Variants in DSC2 observed in about 807,000 individuals in gnomAD.
The protein encoded by DSC2 is desmocollin 2.
In DSC2, 51 loss-of-function variants were observed where a neutral mutation model predicts 87.6. The ratio of observed to expected loss-of-function variants is 0.58; its 90% CI spans 0.46 to 0.74. The LOEUF is 0.74. Ranked by LOEUF, DSC2 falls within the 30% of genes least tolerant of loss-of-function variation. The pLI, the probability that DSC2 is intolerant of heterozygous loss-of-function variation, is 0.00. For missense variants in DSC2, 1,066 were observed against 1,089.5 expected (o/e 0.98, Z 0.30); for synonymous variants, 383 against 393.2 (o/e 0.97, Z 0.31).
intron 1 of DSC2, chr18:31,101,186 CG>C (rs1987934950): frequency 1.0e-6 from 1 of 985,160 alleles, no homozygotes; most frequent in East Asian, 1.1e-4. Flanking sequence ...AAGCCTCGCA[CG>C]TTAAGAAACC....
At chr18:31,080,990 A>G (rs776179013) in intron 9 of DSC2, among the ~76,000 whole-genome samples, 2 of 152,222 alleles carry the variant, frequency 1.3e-5, no homozygotes, top group Non-Finnish European at 2.9e-5. Context: ...GATAAGTAGT[A>G]TAACAGGTAT....
At chr18:31,088,880 T>C (rs1265682380) in intron 5 of DSC2, among the ~76,000 whole-genome samples, 2 of 152,040 alleles carry the variant, frequency 1.3e-5, no homozygotes, top group African/African-American at 4.8e-5. Flanking sequence ...GTAACTGTTC[T>C]TGGCCGGGCA....
rs978907622 is a variant in DSC2, at chr18:31,068,228, A to G, written c.2509-16T>C. 12 of 1,613,786 alleles carry G rather than the reference A, an allele frequency of 7.4e-6. No individual in the cohort carries two copies. In the Admixed American group the frequency reaches 1.3e-4, roughly 18 times the overall value. ...GATACACTTTCTGCCAAGGGGAAAA[A>G]CACAACGTTTTTATTATTATTATTT... On this transcript the variant is annotated splice_polypyrimidine_tract_variant and intron_variant, in intron 15 of 15. Transcript: ENST00000280904.
chr18:31,067,977 A>C lies in DSC2; in HGVS notation c.*38T>G, dbSNP rs1191844546. On this transcript the variant is annotated 3_prime_UTR_variant, in exon 16 of 16. Transcript: ENST00000280904. The stretch of plus-strand genomic sequence containing the variant: ...TGGTTTGTAATTTTTTTTAAAAGTC[A>C]TAAAGCCACTGGCTTTCAGAGACTT... The C allele has an allele frequency of 6.3e-7, 1 of 1,599,946 alleles. No homozygotes were observed. Among genetic ancestry groups the C allele is most frequent in the African/African-American group, 1.3e-5 (1 of 74,698 alleles).
At position 31,097,109 on chromosome 18, in the gene DSC2, T is replaced by C. The variant is rs187937460; in HGVS notation, c.70-3466A>G. On this transcript the variant is annotated intron_variant, in intron 1 of 15. Transcript: ENST00000280904. The stretch of plus-strand genomic sequence containing the variant: ...CATCCTGGCTAACACGGTGAAACCC[T>C]GTCTCTACTAAAAATACAAAAAAAA... Among the ~76,000 whole-genome samples, 427 of 151,536 alleles carry C rather than the reference T, an allele frequency of 2.8e-3. 1 individual carries two copies. The highest frequency in any genetic ancestry group is 9.1e-3 in the African/African-American group (375 of 41,346).
In DSC2 at chr18:31,071,812, C is replaced by T. The variant is rs267605146; in HGVS notation, c.1918G>A (p.Asp640Asn). The T allele has an allele frequency of 1.9e-6, 3 of 1,613,888 alleles. No individual in the cohort carries two copies. The highest frequency in any genetic ancestry group is 1.6e-4 in the Middle Eastern group (1 of 6,062). ...DTAARLSYQN[D>N]PPFGSYVVPI... is the part of the protein sequence containing the mutation. The stretch of plus-strand genomic sequence containing the variant: ...ACTACATATGAGCCAAATGGAGGAT[C>T]ATTCTGATAGGAAAGACGTGCTGCT... The change falls in exon 13 of 16, where the codon GAT becomes AAT. Residue 640 changes from aspartate (D) to asparagine (N), a missense_variant. Physicochemically the swap from Asp to Asn is conservative, Grantham distance 23 (BLOSUM62 1). Coordinates refer to ENST00000280904, the MANE Select transcript of DSC2 (RefSeq NM_024422.6).
chr18:31,093,719 TA>T, intron 1 of DSC2, 76 bp from the exon 2 acceptor site: 2 of 678,044 alleles, frequency 2.9e-6, no homozygotes, highest in Non-Finnish European at 3.9e-6. Context: ...TTATATAAAT[TA>T]TAAATTTATA....
At chr18:31,078,954 A>T (rs1237420288) in intron 11 of DSC2, among the ~76,000 whole-genome samples, 1 of 152,164 alleles carries the variant, frequency 6.6e-6, no homozygotes, top group African/African-American at 2.4e-5. Flanking sequence ...TACATTTTAT[A>T]TGATTATATG....
chr18:31,063,930 A>G lies in DSC2; in HGVS notation c.*4085T>C, dbSNP rs1489935967. ...ATAGAAAGCTCTTAGGCAGAATGGC[A>G]TGATCATATCTGCTCTTTGATGGCC... On this transcript the variant is annotated 3_prime_UTR_variant, in exon 16 of 16. Coordinates refer to ENST00000280904, the MANE Select transcript of DSC2 (RefSeq NM_024422.6). 1.3e-5 allele frequency: 2 copies of G among 152,196 alleles called. No homozygotes were observed. Among genetic ancestry groups the G allele is most frequent in the Non-Finnish European group, 2.9e-5 (2 of 68,050 alleles). 9.4% of individuals were successfully genotyped at this position (152,196 alleles called of 1,614,324 possible). A position where few individuals can be genotyped will look rare whatever the true frequency, so the allele number is the denominator to read the frequency against.
intron 2 of DSC2, 120 bp from the exon 3 acceptor site, chr18:31,092,420 T>C (rs1052315911): frequency 4.9e-6 from 4 of 814,558 alleles, no homozygotes; most frequent in African/African-American, 3.4e-5. Context: ...CACTTGTAAA[T>C]TTTTGAAAGG....
intron 1 of DSC2, among the ~76,000 whole-genome samples, chr18:31,098,043 A>G (rs1272042927): frequency 6.6e-6 from 1 of 151,988 alleles, no homozygotes; most frequent in Non-Finnish European, 1.5e-5. Context: ...TTTAAATATG[A>G]CCTATGAATA....
At position 31,067,843 on chromosome 18, in the gene DSC2, G is replaced by A. The variant is rs1986675858; in HGVS notation, c.*172C>T. The A allele has an allele frequency of 3.2e-6, 2 of 625,052 alleles. No homozygotes were observed. Among genetic ancestry groups the A allele is most frequent in the Non-Finnish European group, 2.7e-6 (1 of 364,700 alleles). 38.7% of individuals were successfully genotyped at this position (625,052 alleles called of 1,614,324 possible). On this transcript the variant is annotated 3_prime_UTR_variant, in exon 16 of 16. Coordinates refer to ENST00000280904, the MANE Select transcript of DSC2 (RefSeq NM_024422.6). ...AATATGTAAAAATTGAAAAATTTGT[G>A]TACTTGTTTATAGTGTCTCTCTGTA... is the stretch of plus-strand genomic sequence containing the variant.
In DSC2 at chr18:31,071,684, A is replaced by G. The variant is rs1161794192; in HGVS notation, c.2046T>C (p.Asp682=). ...GTACTCCTCCACCGCCAATCCTTGG[A>G]TCTACACGATGTGTGCAGTCATTTT... ...ITENDCTHRV[D]PRIGGGGVQL... Residue 682 remains aspartate (D), a synonymous_variant, in exon 13 of 16, where the codon GAT becomes GAC. Coordinates refer to ENST00000280904, the MANE Select transcript of DSC2 (RefSeq NM_024422.6). The G allele has an allele frequency of 1.2e-6, 2 of 1,614,160 alleles. No homozygotes were observed. Among genetic ancestry groups the G allele is most frequent in the South Asian group, 1.1e-5 (1 of 91,080 alleles).
intron 12 of DSC2, among the ~76,000 whole-genome samples, chr18:31,073,251 A>G (rs1443216203): frequency 6.6e-6 from 1 of 152,054 alleles, no homozygotes; most frequent in East Asian, 1.9e-4. Flanking sequence ...TCCACTTTCT[A>G]TCAACACTAT....
chr18:31,060,248 G>A lies in DSC2; in HGVS notation c.*7767C>T, dbSNP rs1986475399. On this transcript the variant is annotated 3_prime_UTR_variant, in exon 16 of 16. Transcript: ENST00000280904. ...TTACACTATTCTCTTACTTCTTTTG[G>A]ATAAATCCCTTTTACTTGATTTCAT... The A allele has an allele frequency of 6.6e-6, 1 of 151,562 alleles. No individual in the cohort carries two copies. The highest frequency in any genetic ancestry group is 2.1e-4 in the South Asian group (1 of 4,768). 9.4% of individuals were successfully genotyped at this position (151,562 alleles called of 1,614,324 possible).
At chr18:31,074,399 G>C (rs1255424085) in intron 12 of DSC2, among the ~76,000 whole-genome samples, 3 of 149,752 alleles carry the variant, frequency 2.0e-5, no homozygotes, top group Non-Finnish European at 4.4e-5. Context: ...GTCTAAGAGA[G>C]AGAAAGAGAG....
chr18:31,090,901 ATAT>A, intron 4 of DSC2, 124 bp downstream of exon 4: 1 of 1,355,920 alleles, frequency 7.4e-7, no homozygotes, highest in Non-Finnish European at 1.0e-6. Flanking sequence ...ATATGGAAAC[ATAT>A]TATACACATA....
intron 5 of DSC2, among the ~76,000 whole-genome samples, chr18:31,088,229 G>C (rs1477337427): frequency 6.6e-6 from 1 of 152,160 alleles, no homozygotes; most frequent in African/African-American, 2.4e-5. Flanking sequence ...CCCAGGTACA[G>C]TTAACTGGGA....
intron 7 of DSC2, among the ~76,000 whole-genome samples, chr18:31,086,341 T>C (rs1987393051): frequency 1.3e-5 from 2 of 152,182 alleles, no homozygotes; most frequent in Non-Finnish European, 2.9e-5. Flanking sequence ...ATACTGTAAA[T>C]ATGTTTATAT....
Sources: gnomAD v4.1 joint callset for allele counts (sites outside exome capture counted in the v4.1 genomes callset) on GRCh38, gnomAD v4.1.1 for gene constraint, MANE v1.5 for transcripts, NCBI Gene and HGNC (gene_info 2026-07-23, HGNC 2026-07-21) for gene names.